The following WASL variants were observed in gnomAD, a reference collection of about 807,000 sequenced individuals.
WASL encodes the protein actin nucleation-promoting factor WASL.
A neutral mutation model predicts 55.5 loss-of-function variants in WASL; 20 were observed. That is an observed-to-expected ratio of 0.36 (90% CI 0.25 to 0.52). The LOEUF (loss-of-function observed/expected upper bound fraction) is 0.52, where lower values mean the gene tolerates loss of function less well. WASL is among the 20% of genes least tolerant of loss of function. The probability of loss-of-function intolerance (pLI) is 0.92; values close to 1 mark genes in which losing one functional copy is unlikely to be tolerated. For synonymous variants in WASL, 249 were observed against 217.6 expected (o/e 1.14, Z -1.27); for missense variants, 504 against 622.5 (o/e 0.81, Z 2.03).
At chr7:123,716,116 G>A (rs1454634518) in intron 1 of WASL, among the ~76,000 whole-genome samples, 1 of 152,096 alleles carries the variant, frequency 6.6e-6, no homozygotes, top group Non-Finnish European at 1.5e-5. Context: ...AATTCAGTTG[G>A]ATTATGGTAA....
chr7:123,719,431 T>C (rs1456680677), intron 1 of WASL, among the ~76,000 whole-genome samples: 9 of 152,148 alleles, frequency 5.9e-5, no homozygotes, highest in African/African-American at 1.9e-4. Flanking sequence ...CTATGGGAAC[T>C]GTGAAGTCCT....
chr7:123,709,438 T>C (rs575416141), intron 1 of WASL, among the ~76,000 whole-genome samples: 1 of 152,212 alleles, frequency 6.6e-6, no homozygotes, highest in Admixed American at 6.5e-5. Context: ...AATAATCACA[T>C]AACAATAATT....
intron 1 of WASL, among the ~76,000 whole-genome samples, chr7:123,718,091 C>T (rs1345898354): frequency 8.3e-6 from 1 of 120,846 alleles, no homozygotes; most frequent in Non-Finnish European, 1.9e-5. Context: ...ATATATTGGA[C>T]TGTTAATTAA....
chr7:123,694,155 T>TA (rs1172497703), intron 8 of WASL, among the ~76,000 whole-genome samples: 1 of 152,136 alleles, frequency 6.6e-6, no homozygotes, highest in African/African-American at 2.4e-5. Context: ...TTGGAAAATT[T>TA]AGAGTATTTT....
chr7:123,694,111 A>C (rs1803455978), intron 8 of WASL, among the ~76,000 whole-genome samples: 1 of 152,208 alleles, frequency 6.6e-6, no homozygotes, highest in African/African-American at 2.4e-5. Context: ...AAAAGAAAGC[A>C]GTCCTAATAA....
intron 1 of WASL, among the ~76,000 whole-genome samples, chr7:123,728,215 T>C (rs772598812): frequency 3.3e-5 from 5 of 152,160 alleles, no homozygotes; most frequent in Non-Finnish European, 5.9e-5. Flanking sequence ...TTGTTTAACA[T>C]TACCTGGGGA....
intron 3 of WASL, 54 bp from the exon 4 acceptor site, chr7:123,706,427 A>G (rs1425300582): frequency 2.2e-5 from 33 of 1,494,354 alleles, no homozygotes; most frequent in Non-Finnish European, 2.4e-5. Context: ...ATTTAGCTTT[A>G]TATCATAAAA....
At chr7:123,706,936 T>C (rs1803681753) in intron 2 of WASL, 110 bp from the exon 3 acceptor site, 4 of 546,790 alleles carry the variant, frequency 7.3e-6, no homozygotes, top group Non-Finnish European at 1.2e-5. Context: ...AAATAACTTT[T>C]AATGCACACA....
rs1803216291 is a variant in WASL at position 123,682,682 on chromosome 7, T to C, written c.*1837A>G. On this transcript the variant is annotated 3_prime_UTR_variant, in exon 11 of 11. Coordinates refer to ENST00000223023, the MANE Select transcript of WASL (RefSeq NM_003941.4). ...AAAAATTTTTTCAATTAACATTACT[T>C]AAAATAATTATAATGTTCCATTTAA... is the stretch of plus-strand genomic sequence containing the variant. 6.6e-6 allele frequency: 1 copy of C among 152,128 alleles called. No individual in the cohort carries two copies. The highest frequency in any genetic ancestry group is 2.4e-5 in the African/African-American group (1 of 41,452). The allele number at this position is 152,128 out of a possible 1,614,324, so 9.4% of individuals were successfully genotyped here.
At chr7:123,706,650 A>T (rs1803676358) in intron 3 of WASL, 90 bp downstream of exon 3, 1 of 1,022,450 alleles carries the variant, frequency 9.8e-7, no homozygotes, top group Non-Finnish European at 1.5e-6. Flanking sequence ...ATTGAATTTG[A>T]TCTTTCAATA....
Position 123,695,002 on chromosome 7 carries a change from A to G in WASL, c.673-134T>C, listed in dbSNP as rs1803469423. On this transcript the variant is annotated intron_variant, in intron 7 of 10. Transcript: ENST00000223023. ...TGCTTATATTACTTATGTGCTAACT[A>G]AAATATTTTATTAAAAAAAACTGAA... is the stretch of plus-strand genomic sequence containing the variant. 5 of 839,042 alleles carry G rather than the reference A, an allele frequency of 6.0e-6. No individual in the cohort carries two copies. In the African/African-American group the frequency reaches 7.1e-5, roughly 12 times the overall value. The allele number at this position is 839,042 out of a possible 1,614,324, so 52.0% of individuals were successfully genotyped here. A position where few individuals can be genotyped will look rare whatever the true frequency, so the allele number is the denominator to read the frequency against.
intron 1 of WASL, among the ~76,000 whole-genome samples, chr7:123,719,915 G>T (rs1007365588): frequency 6.6e-6 from 1 of 152,104 alleles, no homozygotes; most frequent in Non-Finnish European, 1.5e-5. Flanking sequence ...CTCAGTCTGT[G>T]ACAAAGGCCT....
In WASL at chr7:123,706,813, A is replaced by G. The variant is rs879842802; in HGVS notation, c.266T>C (p.Leu89Ser). The change falls in exon 3 of 11, where the codon TTG (leucine) becomes TCG (serine). Residue 89 changes from leucine (L) to serine (S), a missense_variant. By Grantham distance (145) the Leu-to-Ser change is moderately radical. Transcript: ENST00000223023. Reference sequence around the variant, plus strand: ...GTTATTGTATAGCTCTTGTTCCCACAATAGTTTCCCATCCTAGAAAAAAGT... The same window carrying G: ...GTTATTGTATAGCTCTTGTTCCCACGATAGTTTCCCATCCTAGAAAAAAGT... ...RIFDIKDGKL[L>S]WEQELYNNFV... is the part of the protein sequence containing the mutation. 3.2e-5 allele frequency: 49 copies of G among 1,552,674 alleles called. No individual in the cohort carries two copies. The highest frequency in any genetic ancestry group is 3.9e-5 in the Non-Finnish European group (45 of 1,154,680).
At chr7:123,731,622 T>C (rs1804138042) in intron 1 of WASL, among the ~76,000 whole-genome samples, 1 of 152,068 alleles carries the variant, frequency 6.6e-6, no homozygotes, top group South Asian at 2.1e-4. Flanking sequence ...CAGACCATAA[T>C]GGAATGAAAC....
chr7:123,707,007 T>C (rs1050402711), intron 2 of WASL, among the ~76,000 whole-genome samples, 181 bp from the exon 3 acceptor site: 1 of 152,162 alleles, frequency 6.6e-6, no homozygotes, highest in Non-Finnish European at 1.5e-5. Context: ...TTCTTAAAAC[T>C]GAAAACACTG....
intron 5 of WASL, among the ~76,000 whole-genome samples, chr7:123,699,355 C>G (rs906805719): frequency 1.3e-5 from 2 of 151,758 alleles, no homozygotes; most frequent in Non-Finnish European, 1.5e-5. Flanking sequence ...CCAGCCCGGG[C>G]GACAGAGCAA....
chr7:123,747,982 GA>G (rs1002047330), intron 1 of WASL, among the ~76,000 whole-genome samples: 30 of 149,484 alleles, frequency 2.0e-4, no homozygotes, highest in Non-Finnish European at 2.8e-4. Context: ...CCAATGGGGG[GA>G]AAAAAAAAAT....
chr7:123,713,585 C>T (rs1208912511), intron 1 of WASL, among the ~76,000 whole-genome samples: 1 of 152,096 alleles, frequency 6.6e-6, no homozygotes, highest in Non-Finnish European at 1.5e-5. Context: ...TTTATATGTA[C>T]GCATGTATCT....
intron 1 of WASL, among the ~76,000 whole-genome samples, chr7:123,743,819 C>T (rs1804387588): frequency 6.6e-6 from 1 of 152,146 alleles, no homozygotes. Context: ...TAAGAAATGT[C>T]CCTGTATTAT....
Sources: gnomAD v4.1 joint callset for allele counts (sites outside exome capture counted in the v4.1 genomes callset) on GRCh38, gnomAD v4.1.1 for gene constraint, MANE v1.5 for transcripts, NCBI Gene and HGNC (gene_info 2026-07-23, HGNC 2026-07-21) for gene names.